The following INPP1 variants were observed in gnomAD, a reference collection of about 807,000 sequenced individuals.
INPP1 encodes inositol polyphosphate 1-phosphatase.
A neutral mutation model predicts 23.0 loss-of-function variants in INPP1; 18 were observed. The observed-to-expected ratio is 0.78, with a 90% CI of 0.54 to 1.16. The LOEUF is 1.16. Among genes scored for constraint, INPP1 ranks in the 50% most tolerant of loss-of-function variants. INPP1 has a pLI of 0.00. For synonymous variants in INPP1, 164 were observed against 176.3 expected (o/e 0.93, Z 0.55); for missense variants, 448 against 482.1 (o/e 0.93, Z 0.66).
Position 190,370,925 on chromosome 2 carries a change from C to T in INPP1, c.723C>T (p.Asn241=), listed in dbSNP as rs780866965. The T allele has an allele frequency of 1.9e-6, 3 of 1,614,116 alleles. No homozygotes were observed. Among genetic ancestry groups the T allele is most frequent in the East Asian group, 2.2e-5 (1 of 44,880 alleles). Residue 241 remains asparagine (N), a synonymous_variant, in exon 7 of 7, where the codon AAC becomes AAT. Transcript: ENST00000392329. ...TACAGCTCACCATCTCTAGAAGAAA[C>T]GGCAGTGAAACACACACTGGAAACA... The part of the protein sequence containing the change: ...HSLQLTISRR[N]GSETHTGNTG...
In INPP1 at chr2:190,368,039, A is replaced by G. The variant is rs1430162582; in HGVS notation, c.467-1064A>G. 2.6e-5 allele frequency among the ~76,000 whole-genome samples: 4 copies of G among 152,130 alleles called. No homozygotes were observed. The highest frequency in any genetic ancestry group is 2.6e-4 in the Admixed American group (4 of 15,258). ...AAGTGCATTCACAGGATGATACTGA[A>G]ATGGGTTTAATCTTCAGATAATTAT... On this transcript the variant is annotated intron_variant, in intron 5 of 6. Coordinates refer to ENST00000392329, the MANE Select transcript of INPP1 (RefSeq NM_001128928.2). This position sits in a 1 kb window ranked among gnomAD's most constrained non-coding sequence, Gnocchi z 4.3.
At chr2:190,361,981 T>C (rs1351800562) in intron 3 of INPP1, among the ~76,000 whole-genome samples, 3 of 152,182 alleles carry the variant, frequency 2.0e-5, no homozygotes, top group Non-Finnish European at 4.4e-5. Context: ...AGAAGCAAAA[T>C]GCATCAGAAA....
At chr2:190,344,953 T>C (rs1394530730) in intron 1 of INPP1, among the ~76,000 whole-genome samples, 2 of 152,240 alleles carry the variant, frequency 1.3e-5, no homozygotes, top group Non-Finnish European at 2.9e-5. Flanking sequence ...CCTGCTCAAC[T>C]TGATAATAGT....
At chr2:190,359,382 C>T (rs1005625378) in intron 2 of INPP1, among the ~76,000 whole-genome samples, 7 of 151,568 alleles carry the variant, frequency 4.6e-5, no homozygotes, top group Non-Finnish European at 5.9e-5. Context: ...ACGGTGAAAC[C>T]CTGTCTCTAC....
intron 4 of INPP1, among the ~76,000 whole-genome samples, chr2:190,364,558 T>A (rs1689604367): frequency 6.9e-6 from 1 of 145,966 alleles, no homozygotes. Flanking sequence ...AAAAAAAATT[T>A]CAGTAGGTCT....
chr2:190,369,025 A>G, intron 5 of INPP1, 78 bp from the exon 6 acceptor site: 1 of 796,868 alleles, frequency 1.3e-6, no homozygotes, highest in South Asian at 2.8e-5. Context: ...CCAAATCAGT[A>G]GAAGAGAGAA....
chr2:190,357,051 G>A (rs79285470), intron 2 of INPP1, among the ~76,000 whole-genome samples: 6,959 of 152,232 alleles, frequency 0.046, 245 homozygotes, highest in African/African-American at 0.057. Context: ...TAACGCAGCT[G>A]TTTTTCCTAA....
At position 190,345,890 on chromosome 2, in the gene INPP1, A is replaced by C. The variant is rs749106434; in HGVS notation, c.-209+1929A>C. 3.3e-5 allele frequency among the ~76,000 whole-genome samples: 5 copies of C among 152,190 alleles called. No homozygotes were observed. The highest frequency in any genetic ancestry group is 2.9e-5 in the Non-Finnish European group (2 of 68,030). On this transcript the variant is annotated intron_variant, in intron 1 of 6. Coordinates refer to ENST00000392329, the MANE Select transcript of INPP1 (RefSeq NM_001128928.2). This position sits in a 1 kb window ranked among gnomAD's most constrained non-coding sequence, Gnocchi z 4.9. ...GCACCTGTAGTCCCAGCTATTCAGG[A>C]GGCTGAGGCTGGAGGATCCCTGGAA...
At position 190,354,338 on chromosome 2, in the gene INPP1, C is replaced by T. The variant is rs1984626; in HGVS notation, c.-65+5307C>T. ...ATAGATTGGGTCGCTAAGGTAACCACGGCCTGTCTTTCAGGAGAGGTTTTA... is the reference window on the plus strand; with the variant it reads ...ATAGATTGGGTCGCTAAGGTAACCATGGCCTGTCTTTCAGGAGAGGTTTTA... On this transcript the variant is annotated intron_variant, in intron 2 of 6. Transcript: ENST00000392329. This position sits in a 1 kb window ranked among gnomAD's most constrained non-coding sequence, Gnocchi z 4.8. Among the ~76,000 whole-genome samples, 1 of 152,006 alleles carries T rather than the reference C, an allele frequency of 6.6e-6. No homozygotes were observed.
chr2:190,371,092 T>C lies in INPP1; in HGVS notation c.890T>C (p.Val297Ala), dbSNP rs1264055573. 6.2e-7 allele frequency: 1 copy of C among 1,614,194 alleles called. No individual in the cohort carries two copies. Among genetic ancestry groups the C allele is most frequent in the South Asian group, 1.1e-5 (1 of 91,088 alleles). The change falls in exon 7 of 7, where the codon GTT becomes GCT. Residue 297 changes from valine (V) to alanine (A), a missense_variant. By Grantham distance (64) the Val-to-Ala change is moderately conservative. Coordinates refer to ENST00000392329, the MANE Select transcript of INPP1 (RefSeq NM_001128928.2). The surrounding 1 kb of genome is among the most constrained non-coding windows in gnomAD (Gnocchi z 5.3). ...GGGGCTGGTTATAAGAGCCTATGTG[T>C]TGTCCAAGGCCTCGTTGACATTTAC... The part of the protein sequence containing the change: ...AAGAGYKSLC[V>A]VQGLVDIYIF...
rs1689350265 is a variant in INPP1 at position 190,352,970 on chromosome 2, G to T, written c.-65+3939G>T. Among the ~76,000 whole-genome samples the T allele has an allele frequency of 6.6e-6, 1 of 152,186 alleles. No homozygotes were observed. The highest frequency in any genetic ancestry group is 2.4e-5 in the African/African-American group (1 of 41,438). ...AATTCAGGATGTGAACCGTGGGGGT[G>T]GGGTGGAGTCAATGCGCAATGGGCA... On this transcript the variant is annotated intron_variant, in intron 2 of 6. Transcript: ENST00000392329. The surrounding 1 kb of genome is among the most constrained non-coding windows in gnomAD (Gnocchi z 4.7).
Position 190,347,197 on chromosome 2 carries a change from G to C in INPP1, c.-208-1691G>C, listed in dbSNP as rs1689235364. On this transcript the variant is annotated intron_variant, in intron 1 of 6. Coordinates refer to ENST00000392329, the MANE Select transcript of INPP1 (RefSeq NM_001128928.2). ...AGGCTAATTTTTTGTATTTTTAGTA[G>C]AGATGGGGTTTCACAGTGTTAGCCA... Among the ~76,000 whole-genome samples, 4 of 151,732 alleles carry C rather than the reference G, an allele frequency of 2.6e-5. 1 individual carries two copies. The South Asian group carries it at 8.3e-4, about 32-fold the overall frequency.
chr2:190,364,345 C>G (rs1018386367), intron 4 of INPP1, among the ~76,000 whole-genome samples: 2 of 151,950 alleles, frequency 1.3e-5, no homozygotes, highest in African/African-American at 4.8e-5. Flanking sequence ...TGAGTCCATC[C>G]TGGCTAACAC....
chr2:190,348,330 G>A (rs1689262989), intron 1 of INPP1, among the ~76,000 whole-genome samples: 1 of 151,978 alleles, frequency 6.6e-6, no homozygotes, highest in Non-Finnish European at 1.5e-5. Flanking sequence ...CTTTTGAAAT[G>A]TGCATTTCTT....
chr2:190,364,776 T>A (rs1041605866), intron 4 of INPP1, among the ~76,000 whole-genome samples: 29 of 151,664 alleles, frequency 1.9e-4, no homozygotes, highest in Admixed American at 6.6e-5. Context: ...AATTTTTTTA[T>A]ACTTTTATTA....
chr2:190,347,658 A>T (rs1324140191), intron 1 of INPP1, among the ~76,000 whole-genome samples: 1 of 152,228 alleles, frequency 6.6e-6, no homozygotes, highest in Non-Finnish European at 1.5e-5. Flanking sequence ...CTTTACCAAT[A>T]GATATTTAAA....
rs759896532 is a variant in INPP1 at position 190,360,161 on chromosome 2, G to A, written c.59G>A (p.Arg20Gln). The change falls in exon 3 of 7, where the codon CGG (arginine) becomes CAG (glutamine). Residue 20 changes from arginine to glutamine, a missense_variant. Coordinates refer to ENST00000392329, the MANE Select transcript of INPP1 (RefSeq NM_001128928.2). ...CVSEKAANIARACRQQEALFQ... is the reference protein window; with the variant it reads ...CVSEKAANIAQACRQQEALFQ... Reference sequence around the variant, plus strand: ...TCTGAGAAGGCTGCTAACATTGCCCGGGCGTGCAGACAGCAGGAAGCCCTC... The same window carrying A: ...TCTGAGAAGGCTGCTAACATTGCCCAGGCGTGCAGACAGCAGGAAGCCCTC... The A allele has an allele frequency of 5.0e-6, 8 of 1,613,972 alleles. No individual in the cohort carries two copies. Among genetic ancestry groups the A allele is most frequent in the African/African-American group, 4.0e-5 (3 of 74,938 alleles).
intron 2 of INPP1, among the ~76,000 whole-genome samples, chr2:190,350,238 G>A (rs945514756): frequency 1.3e-5 from 2 of 152,246 alleles, no homozygotes; most frequent in Admixed American, 6.5e-5. Flanking sequence ...AAATTGTTAC[G>A]TTACTACAGA....
chr2:190,354,478 C>T lies in INPP1; in HGVS notation c.-65+5447C>T, dbSNP rs925552627. Reference sequence around the variant, plus strand: ...TAAAGTTTATGTGAGGTCATACAGGCGGATCCTTATCCAGTCTGACTGGCG... The same window carrying T: ...TAAAGTTTATGTGAGGTCATACAGGTGGATCCTTATCCAGTCTGACTGGCG... On this transcript the variant is annotated intron_variant, in intron 2 of 6. Transcript: ENST00000392329. This position sits in a 1 kb window ranked among gnomAD's most constrained non-coding sequence, Gnocchi z 4.8. Among the ~76,000 whole-genome samples, 1 of 152,150 alleles carries T rather than the reference C, an allele frequency of 6.6e-6. No individual in the cohort carries two copies. The highest frequency in any genetic ancestry group is 2.1e-4 in the South Asian group (1 of 4,818).
Sources: allele counts gnomAD v4.1 joint callset (sites outside exome capture counted in the v4.1 genomes callset), GRCh38; gene constraint gnomAD v4.1.1; non-coding constraint Gnocchi (gnomAD v3.1); transcripts MANE v1.5; gene names NCBI Gene and HGNC (gene_info 2026-07-23, HGNC 2026-07-21).